Variants in USP50 observed in about 807,000 individuals in gnomAD.
USP50 encodes the protein ubiquitin carboxyl-terminal hydrolase 50.
A neutral mutation model predicts 39.2 loss-of-function variants in USP50; 37 were observed. That is an observed-to-expected ratio of 0.94 (90% CI 0.73 to 1.24). The LOEUF (loss-of-function observed/expected upper bound fraction) is 1.24. Among genes scored for constraint, USP50 ranks in the 50% most tolerant of loss-of-function variants. The probability of loss-of-function intolerance (pLI) is 0.00; values close to 1 mark genes in which losing one functional copy is unlikely to be tolerated. For missense variants in USP50, 374 were observed against 398.2 expected (o/e 0.94, Z 0.52); for synonymous variants, 139 against 144.5 (o/e 0.96, Z 0.27).
At chr15:50,511,875 G>A (rs909989084) in intron 6 of USP50, 2 of 152,250 alleles carry the variant, frequency 1.3e-5, no homozygotes, top group Non-Finnish European at 2.9e-5. Context: ...GTGCACACCT[G>A]TGGTCCCAGC....
intron 6 of USP50, among the ~76,000 whole-genome samples, chr15:50,522,058 A>G (rs916514243): frequency 6.6e-6 from 1 of 152,144 alleles, no homozygotes; most frequent in Admixed American, 6.6e-5. Flanking sequence ...ACATCAACAA[A>G]TTGGATAGTC....
intron 5 of USP50, among the ~76,000 whole-genome samples, chr15:50,530,962 TA>T (rs1006823841): frequency 2.0e-5 from 3 of 152,202 alleles, no homozygotes; most frequent in Non-Finnish European, 4.4e-5. Context: ...TTTAATGTTT[TA>T]ATAAGAACAT....
downstream of USP50, among the ~76,000 whole-genome samples, chr15:50,496,426 A>C (rs1404506808): frequency 2.0e-5 from 3 of 148,352 alleles, no homozygotes; most frequent in African/African-American, 7.5e-5. Flanking sequence ...GTTTACAGTG[A>C]GCTGAGATCT....
intron 6 of USP50, chr15:50,506,087 G>GCATAA: frequency 6.6e-6 from 1 of 152,274 alleles, no homozygotes; most frequent in African/African-American, 2.4e-5. Context: ...GAAAGCTGTC[G>GCATAA]TTTTTTAGCA....
intron 6 of USP50, chr15:50,508,193 A>G (rs1400548013): frequency 6.6e-6 from 1 of 152,196 alleles, no homozygotes; most frequent in Non-Finnish European, 1.5e-5. Flanking sequence ...GGAAATTAAA[A>G]AAACACTTCT....
chr15:50,546,389 T>G, intron 1 of USP50, 84 bp downstream of exon 1: 1 of 1,439,366 alleles, frequency 6.9e-7, no homozygotes, highest in Non-Finnish European at 9.8e-7. Flanking sequence ...CCCTCCTGAA[T>G]GCAGTGTGTG....
chr15:50,523,938 G>T (rs2052869650), intron 6 of USP50, among the ~76,000 whole-genome samples: 1 of 152,180 alleles, frequency 6.6e-6, no homozygotes, highest in Admixed American at 6.5e-5. Context: ...AAACCGAACT[G>T]TAGACCAGTG....
intron 1 of USP50, among the ~76,000 whole-genome samples, chr15:50,546,018 G>A (rs531734873): frequency 6.6e-6 from 1 of 151,504 alleles, no homozygotes; most frequent in Admixed American, 6.6e-5. Flanking sequence ...CCTGCACAGA[G>A]AGAACACTGA....
chr15:50,536,672 A>T (rs544899649), intron 5 of USP50, among the ~76,000 whole-genome samples: 21 of 151,512 alleles, frequency 1.4e-4, no homozygotes, highest in East Asian at 3.9e-4. Context: ...AAAATGAATT[A>T]AAAAAAAACA....
At chr15:50,514,695 A>AT (rs1051961087) in intron 6 of USP50, among the ~76,000 whole-genome samples, 1 of 151,730 alleles carries the variant, frequency 6.6e-6, no homozygotes, top group Non-Finnish European at 1.5e-5. Context: ...CACCCAGCTA[A>AT]TTTTTTTTAT....
intron 6 of USP50, chr15:50,509,122 G>C (rs1316470345): frequency 1.0e-5 from 1 of 98,560 alleles, no homozygotes; most frequent in Non-Finnish European, 1.8e-5. Flanking sequence ...GACAGAGCGA[G>C]ACTCCGTCAC....
At chr15:50,536,768 C>T (rs1480841718) in intron 5 of USP50, among the ~76,000 whole-genome samples, 1 of 151,740 alleles carries the variant, frequency 6.6e-6, no homozygotes, top group African/African-American at 2.4e-5. Context: ...AGAAGGAAAA[C>T]TAGAAAATTC....
At chr15:50,538,996 C>T in intron 4 of USP50, 145 bp from the exon 5 acceptor site, 2 of 818,108 alleles carry the variant, frequency 2.4e-6, no homozygotes, top group Non-Finnish European at 3.6e-6. Flanking sequence ...ACAACAGTCT[C>T]ACTAGCTGCA....
intron 5 of USP50, among the ~76,000 whole-genome samples, chr15:50,535,523 T>TAGAA (rs56090142): frequency 0.42 from 63,943 of 151,792 alleles, 13,842 homozygotes; most frequent in Admixed American, 0.54. Flanking sequence ...GGAATTAAAC[T>TAGAA]AGAAATAACA....
At chr15:50,542,481 A>ATTTTTTTTTTTTTT (rs11292495) in intron 3 of USP50, among the ~76,000 whole-genome samples, 6 of 97,396 alleles carry the variant, frequency 6.2e-5, no homozygotes, top group Non-Finnish European at 9.7e-5. Flanking sequence ...TTTCCTTTTC[A>ATTTTTTTTTTTTTT]TTTTTTTTTT....
chr15:50,496,970 T>C, downstream of USP50: 1 of 1,322,692 alleles, frequency 7.6e-7, no homozygotes, highest in Non-Finnish European at 1.0e-6. Context: ...GCAGGAACTC[T>C]TTTGTGTAGA....
intron 6 of USP50, among the ~76,000 whole-genome samples, chr15:50,517,157 T>C (rs1242288607): frequency 1.3e-5 from 2 of 152,210 alleles, no homozygotes; most frequent in East Asian, 1.9e-4. Flanking sequence ...ATGTTAGAGG[T>C]CATACAATAA....
At chr15:50,543,822 G>A (rs776102614) in intron 2 of USP50, 29 bp from the exon 3 acceptor site, 3 of 1,587,244 alleles carry the variant, frequency 1.9e-6, no homozygotes, top group Non-Finnish European at 1.7e-6. Flanking sequence ...TATGTTTCTG[G>A]CTGATTTAAT....
rs185722669 is a variant in USP50 at position 50,519,886 on chromosome 15, G to A, written c.936+9911C>T. ...AAAACCAGCATGCAGATTCCTCAGAGAACTAAAAATAGAACTATTATATGA... is the reference window on the plus strand; with the variant it reads ...AAAACCAGCATGCAGATTCCTCAGAAAACTAAAAATAGAACTATTATATGA... On this transcript the variant is annotated intron_variant, in intron 6 of 6. Coordinates refer to ENST00000532404, the MANE Select transcript of USP50 (RefSeq NM_203494.5). Among the ~76,000 whole-genome samples, 176 of 152,206 alleles carry A rather than the reference G, an allele frequency of 1.2e-3. 1 individual carries two copies. Among genetic ancestry groups the A allele is most frequent in the African/African-American group, 4.1e-3 (169 of 41,510 alleles).
Sources: gnomAD v4.1 joint callset for allele counts (sites outside exome capture counted in the v4.1 genomes callset) on GRCh38, gnomAD v4.1.1 for gene constraint, MANE v1.5 for transcripts, NCBI Gene and HGNC (gene_info 2026-07-23, HGNC 2026-07-21) for gene names.